The following MTERF4 variants were observed in gnomAD, a reference collection of about 807,000 sequenced individuals.
MTERF4 encodes the protein mitochondrial transcription termination factor 4.
Under a neutral mutation model 22.5 loss-of-function variants are expected in MTERF4, and 17 were observed. The ratio of observed to expected loss-of-function variants is 0.75; its 90% CI spans 0.52 to 1.13. MTERF4 has a LOEUF of 1.13. Among genes scored for constraint, MTERF4 ranks in the 50% most tolerant of loss-of-function variants. MTERF4 has a pLI of 0.00. For synonymous variants in MTERF4, 165 were observed against 175.3 expected, an observed-to-expected ratio of 0.94 and a Z score of 0.47; for missense variants, 420 against 466.8, an observed-to-expected ratio of 0.90 and a Z score of 0.92.
At chr2:241,088,308 A>G, downstream of MTERF4, 2 of 1,258,572 alleles carry the variant, frequency 1.6e-6, no homozygotes, top group South Asian at 1.2e-5. Flanking sequence ...AGGTAGCTGT[A>G]GAATTCAAGG....
At chr2:241,072,438 G>C (rs1157304587) in exon 5 of MTERF4, 3 of 358,152 alleles carry the variant, frequency 8.4e-6, no homozygotes, top group Non-Finnish European at 1.6e-5. Flanking sequence ...TGGCAGGAGT[G>C]AGGCAGGCGC....
At chr2:241,099,075 T>TA (rs2064583823) in intron 2 of MTERF4, 1 of 236,178 alleles carries the variant, frequency 4.2e-6, no homozygotes, top group Non-Finnish European at 7.9e-6. Context: ...TCACACTATA[T>TA]AAAATCTTTT....
intron 1 of MTERF4, chr2:241,101,249 T>A: frequency 2.2e-6 from 1 of 456,238 alleles, no homozygotes; most frequent in South Asian, 1.6e-5. Flanking sequence ...CAGTGACAGA[T>A]CATCGGGCAT....
At chr2:241,098,537 G>A (rs2064558223) in intron 2 of MTERF4, among the ~76,000 whole-genome samples, 1 of 152,218 alleles carries the variant, frequency 6.6e-6, no homozygotes, top group Non-Finnish European at 1.5e-5. Context: ...GCATCCTTGA[G>A]ATGTGAATAT....
chr2:241,055,284 C>T, the MTERF4 span, among the ~76,000 whole-genome samples: 2 of 152,028 alleles, frequency 1.3e-5, no homozygotes, highest in Non-Finnish European at 1.5e-5. Context: ...GCCCACAGAA[C>T]GTCAGACAGG....
the MTERF4 span, among the ~76,000 whole-genome samples, chr2:241,054,242 G>A: frequency 1.3e-5 from 2 of 152,126 alleles, no homozygotes; most frequent in Non-Finnish European, 2.9e-5. Context: ...CAGAGAATAT[G>A]AGCAACCAGC....
At chr2:241,057,310 C>T in the MTERF4 span, among the ~76,000 whole-genome samples, 2 of 149,864 alleles carry the variant, frequency 1.3e-5, no homozygotes, top group African/African-American at 2.5e-5. Flanking sequence ...ACCTCGGAGG[C>T]GGAGGTTGCA....
downstream of MTERF4, chr2:241,094,514 T>C (rs971296704): frequency 4.3e-5 from 17 of 396,970 alleles, no homozygotes; most frequent in Admixed American, 6.8e-5. The surrounding 1 kb of genome is among the most constrained non-coding windows in gnomAD (Gnocchi z 4.3). Flanking sequence ...GGTATTCCAG[T>C]GCATAGGGGA....
At chr2:241,101,677 C>T (rs1383965068) in intron 1 of MTERF4, among the ~76,000 whole-genome samples, 1 of 152,210 alleles carries the variant, frequency 6.6e-6, no homozygotes, top group East Asian at 1.9e-4. Context: ...TGGGCTCAAG[C>T]CTAAAGACCT....
downstream of MTERF4, among the ~76,000 whole-genome samples, chr2:241,082,109 G>A (rs750985394): frequency 4.6e-5 from 7 of 151,874 alleles, no homozygotes; most frequent in Non-Finnish European, 8.8e-5. Flanking sequence ...AACCCACCCC[G>A]GCCTTAGAGG....
At chr2:241,077,411 T>C (rs1047060374) in intron 4 of MTERF4, among the ~76,000 whole-genome samples, 8 of 152,100 alleles carry the variant, frequency 5.3e-5, no homozygotes, top group African/African-American at 1.9e-4. Context: ...CAAAAATCTA[T>C]ATATAAACTA....
At chr2:241,050,423 AC>A in the MTERF4 span, among the ~76,000 whole-genome samples, 1 of 151,296 alleles carries the variant, frequency 6.6e-6, no homozygotes, top group Non-Finnish European at 1.5e-5. Flanking sequence ...CCCATCAGTC[AC>A]CCCCAGACCT....
chr2:241,059,050 C>T, the MTERF4 span, among the ~76,000 whole-genome samples: 1 of 152,130 alleles, frequency 6.6e-6, no homozygotes, highest in Non-Finnish European at 1.5e-5. Context: ...GATCCTACCT[C>T]GTGTTTACAG....
downstream of MTERF4, among the ~76,000 whole-genome samples, chr2:241,070,743 G>C (rs962208727): frequency 6.6e-6 from 1 of 152,236 alleles, no homozygotes; most frequent in Non-Finnish European, 1.5e-5. Context: ...GGCTCCACCA[G>C]GGTCCCGAAC....
chr2:241,064,674 C>A, the MTERF4 span, among the ~76,000 whole-genome samples: 1 of 152,156 alleles, frequency 6.6e-6, no homozygotes, highest in Non-Finnish European at 1.5e-5. The surrounding 1 kb of genome is among the most constrained non-coding windows in gnomAD (Gnocchi z 7.0). Context: ...TGGGTTGGGC[C>A]CCGCAGGGCA....
At chr2:241,081,660 G>T in intron 4 of MTERF4, 1 of 1,566,688 alleles carries the variant, frequency 6.4e-7, no homozygotes, top group Non-Finnish European at 8.7e-7. Context: ...CTAACCTCTC[G>T]TGACCTCTGT....
chr2:241,082,400 G>C, downstream of MTERF4: 2 of 1,545,846 alleles, frequency 1.3e-6, no homozygotes, highest in East Asian at 4.5e-5. Flanking sequence ...TACCGCATTT[G>C]TCGTGTGTTC....
the MTERF4 span, chr2:241,052,234 A>C: frequency 1.3e-6 from 2 of 1,481,748 alleles, no homozygotes; most frequent in East Asian, 2.3e-5. Flanking sequence ...GCCCATGGGC[A>C]GGGCTGGTCC....
At chr2:241,097,025 T>C (rs1575188280) in intron 3 of MTERF4, 1 of 607,034 alleles carries the variant, frequency 1.6e-6, no homozygotes, top group Non-Finnish European at 2.9e-6. Context: ...TTGGCTGATG[T>C]ATGCAGAGAA....
Sources: allele counts gnomAD v4.1 joint callset (sites outside exome capture counted in the v4.1 genomes callset), GRCh38; gene constraint gnomAD v4.1.1; non-coding constraint Gnocchi (gnomAD v3.1); transcripts MANE v1.5; gene names NCBI Gene and HGNC (gene_info 2026-07-23, HGNC 2026-07-21).